The following NLRP3 variants were observed in gnomAD, a reference collection of about 807,000 sequenced individuals.
NLRP3 encodes NLR family pyrin domain containing 3.
Under a neutral mutation model 91.3 loss-of-function variants are expected in NLRP3, and 48 were observed. The ratio of observed to expected loss-of-function variants is 0.53; its 90% confidence interval spans 0.42 to 0.67. NLRP3 has a LOEUF of 0.67. Among genes scored for constraint, NLRP3 ranks in the 30% least tolerant of loss-of-function variants. The pLI is 0.00. For synonymous variants in NLRP3, 561 were observed against 507.9 expected (o/e 1.10, Z -1.41); for missense variants, 982 against 1,276.9 (o/e 0.77, Z 3.52).
Position 247,444,616 on chromosome 1 carries a change from G to A in NLRP3, c.2835-35G>A, listed in dbSNP as rs190398203. On this transcript the variant is annotated intron_variant, in intron 8 of 9. Coordinates refer to ENST00000336119, the MANE Select transcript of NLRP3 (RefSeq NM_001243133.2). ...CTTGGGGAGCTAGGGGGATGGTTAA[G>A]GGGACATTTTCTTTAAATCACCCCC... 58 of 1,611,586 alleles carry A rather than the reference G, an allele frequency of 3.6e-5. No homozygotes were observed. The Admixed American group carries it at 9.3e-4, about 26-fold the overall frequency.
At chr1:247,421,178 G>A (rs1171853912) in intron 2 of NLRP3, among the ~76,000 whole-genome samples, 11 of 152,210 alleles carry the variant, frequency 7.2e-5, no homozygotes, top group Admixed American at 7.2e-4. Flanking sequence ...TCAGAGAAGG[G>A]CAGGGTATTG....
chr1:247,435,510 AACAG>A (rs1168360813), intron 6 of NLRP3, among the ~76,000 whole-genome samples: 2 of 152,194 alleles, frequency 1.3e-5, no homozygotes, highest in Non-Finnish European at 2.9e-5. Flanking sequence ...AGGTGTCTAG[AACAG>A]ACAGATTCAT....
At chr1:247,443,025 A>G (rs964719933) in intron 7 of NLRP3, among the ~76,000 whole-genome samples, 6 of 152,130 alleles carry the variant, frequency 3.9e-5, no homozygotes, top group Admixed American at 1.3e-4. Context: ...TCCCAGGTTC[A>G]AGCAATTCTC....
Position 247,448,648 on chromosome 1 carries a change from A to C in NLRP3, c.*144A>C. 1 of 703,448 alleles carries C rather than the reference A, an allele frequency of 1.4e-6. No homozygotes were observed. The highest frequency in any genetic ancestry group is 2.6e-6 in the Non-Finnish European group (1 of 381,488). The allele number at this position is 703,448 out of a possible 1,614,324, so 43.6% of individuals were successfully genotyped here. A position where few individuals can be genotyped will look rare whatever the true frequency, so the allele number is the denominator to read the frequency against. On this transcript the variant is annotated 3_prime_UTR_variant, in exon 10 of 10. Coordinates refer to ENST00000336119, the MANE Select transcript of NLRP3 (RefSeq NM_001243133.2). ...GAGTGTCGGAGAAGAGAGCTTGCCG[A>C]CGATGCCTTCCTGTGCAGAGCTTGG...
chr1:247,432,858 G>T (rs1663439555), intron 5 of NLRP3, among the ~76,000 whole-genome samples: 1 of 151,892 alleles, frequency 6.6e-6, no homozygotes, highest in Admixed American at 6.6e-5. Context: ...TGATGTGCGT[G>T]TGTGTTTGTG....
At chr1:247,416,398 CG>C (rs1662076444) in intron 1 of NLRP3, among the ~76,000 whole-genome samples, 1 of 151,996 alleles carries the variant, frequency 6.6e-6, no homozygotes, top group African/African-American at 2.4e-5. Context: ...GTGTATGTGG[CG>C]GGGGGAAGCG....
intron 2 of NLRP3, among the ~76,000 whole-genome samples, chr1:247,422,711 C>T (rs1333468898): frequency 6.6e-6 from 1 of 152,160 alleles, no homozygotes; most frequent in East Asian, 1.9e-4. Flanking sequence ...TTCCCAACCA[C>T]TAGATTAGGC....
intron 9 of NLRP3, among the ~76,000 whole-genome samples, chr1:247,445,480 G>A (rs1558211087): frequency 6.6e-6 from 1 of 152,206 alleles, no homozygotes; most frequent in South Asian, 2.1e-4. Context: ...GATTACAGGT[G>A]TGAGCCTCCG....
chr1:247,427,995 G>A lies in NLRP3; in HGVS notation c.2151-1590G>A, dbSNP rs563259771. On this transcript the variant is annotated intron_variant, in intron 4 of 9. Coordinates refer to ENST00000336119, the MANE Select transcript of NLRP3 (RefSeq NM_001243133.2). ...CAGACTCTGATTGGAGCCCTGGCAG[G>A]GGGCTCAGCACCCATTTCTCTAGAT... Among the ~76,000 whole-genome samples, 745 of 132,128 alleles carry A rather than the reference G, an allele frequency of 5.6e-3. 6 individuals carry two copies. The highest frequency in any genetic ancestry group is 0.021 in the African/African-American group (705 of 33,554). The allele number at this position is 132,128 out of a possible 152,430, so 86.7% of individuals were successfully genotyped here.
intron 9 of NLRP3, 92 bp downstream of exon 9, chr1:247,444,913 T>C (rs1173995096): frequency 7.3e-7 from 1 of 1,361,400 alleles, no homozygotes; most frequent in Non-Finnish European, 1.0e-6. Flanking sequence ...TCTCGCTTCA[T>C]TTGCAGCCAC....
At position 247,435,991 on chromosome 1, in the gene NLRP3, A is replaced by T. The variant is rs765285010; in HGVS notation, c.2514A>T (p.Thr838=). 1 of 1,614,124 alleles carries T rather than the reference A, an allele frequency of 6.2e-7. No individual in the cohort carries two copies. Among genetic ancestry groups the T allele is most frequent in the East Asian group, 2.2e-5 (1 of 44,882 alleles). ...GAAGGTTGGTCAGCTGCTGCCTCACATCAGCATGTTGTCAGGATCTTGCAT... is the reference window on the plus strand; with the variant it reads ...GAAGGTTGGTCAGCTGCTGCCTCACTTCAGCATGTTGTCAGGATCTTGCAT... ...KKLWLVSCCL[T]SACCQDLASV... Residue 838 remains threonine, a synonymous_variant, in exon 7 of 10, where the codon ACA becomes ACT. Transcript: ENST00000336119.
At position 247,424,120 on chromosome 1, in the gene NLRP3, G is replaced by A. The variant is rs1186536604; in HGVS notation, c.671G>A (p.Gly224Glu). The A allele has an allele frequency of 1.2e-6, 2 of 1,613,972 alleles. No individual in the cohort carries two copies. The highest frequency in any genetic ancestry group is 1.7e-6 in the Non-Finnish European group (2 of 1,180,030). ...SEPVHTVVFQ[G>E]AAGIGKTILA... ...CCTGTGCACACCGTGGTGTTCCAGG[G>A]GGCGGCAGGGATTGGGAAAACAATC... is the stretch of plus-strand genomic sequence containing the variant. The change falls in exon 4 of 10, where the codon GGG becomes GAG. Residue 224 changes from glycine to glutamate, a missense_variant. Physicochemically the swap from Gly to Glu is moderately conservative, Grantham distance 98 (BLOSUM62 -2). Around this residue, in one of 5 missense-constraint regions of NLRP3, gnomAD observed 548 missense variants for 713.7 expected, o/e 0.77. Transcript: ENST00000336119. The surrounding 1 kb of genome is among the most constrained non-coding windows in gnomAD (Gnocchi z 8.1).
chr1:247,429,848 G>T (rs902848771), intron 5 of NLRP3, 93 bp downstream of exon 5: 2 of 1,485,628 alleles, frequency 1.3e-6, no homozygotes, highest in Admixed American at 1.7e-5. Flanking sequence ...GGACCAGGTT[G>T]CTGGTGTGGT....
intron 7 of NLRP3, among the ~76,000 whole-genome samples, chr1:247,438,033 A>G (rs144666480): frequency 6.6e-6 from 1 of 152,332 alleles, no homozygotes; most frequent in Non-Finnish European, 1.5e-5. Flanking sequence ...CTATGTAGTT[A>G]CTATTGTCAA....
chr1:247,444,935 T>G, intron 9 of NLRP3, 114 bp downstream of exon 9: 1 of 1,137,728 alleles, frequency 8.8e-7, no homozygotes, highest in Non-Finnish European at 1.3e-6. Context: ...CAAGATTAGG[T>G]TGGGCCTGGG....
At chr1:247,448,353 C>T (rs2103261158) in intron 9 of NLRP3, 52 bp from the exon 10 acceptor site, 6 of 874,638 alleles carry the variant, frequency 6.9e-6, no homozygotes, top group South Asian at 6.5e-5. Flanking sequence ...GTTAACGACT[C>T]TGACAGAGTT....
intron 7 of NLRP3, among the ~76,000 whole-genome samples, chr1:247,443,553 T>C (rs912227888): frequency 5.1e-5 from 7 of 137,546 alleles, no homozygotes; most frequent in African/African-American, 2.0e-4. Context: ...TTTTTTCCTG[T>C]CTCTCTTAAA....
Position 247,444,813 on chromosome 1 carries a change from G to A in NLRP3, c.2997G>A (p.Gln999=), listed in dbSNP as rs1664485292. The A allele has an allele frequency of 1.9e-6, 3 of 1,613,770 alleles. No individual in the cohort carries two copies. The highest frequency in any genetic ancestry group is 2.5e-6 in the Non-Finnish European group (3 of 1,180,020). ...EVLKQQSCLL[Q]NLGLSEMYFN... ...TGAAACAGCAGAGCTGCCTCCTGCA[G>A]AACCTGGGGTGAGTGTGCTCTGCAG... The change falls in exon 9 of 10, where the codon CAG becomes CAA. Residue 999 remains glutamine, a synonymous_variant. Coordinates refer to ENST00000336119, the MANE Select transcript of NLRP3 (RefSeq NM_001243133.2).
intron 5 of NLRP3, 124 bp from the exon 6 acceptor site, chr1:247,433,964 GAGCTCTCTGATCAGA>G: frequency 5.3e-6 from 2 of 378,998 alleles, no homozygotes; most frequent in East Asian, 5.8e-5. Context: ...CTGTATTCCG[GAGCTCTCTGATCAGA>G]TGTGTTCTGA....
Sources: gnomAD v4.1 joint callset for allele counts (sites outside exome capture counted in the v4.1 genomes callset) on GRCh38, gnomAD v4.1.1 for gene constraint, gnomAD v4.1.1 regional missense constraint, Gnocchi (gnomAD v3.1) non-coding constraint, MANE v1.5 for transcripts, NCBI Gene and HGNC (gene_info 2026-07-23, HGNC 2026-07-21) for gene names.